Variants in TBL1X observed in about 807,000 individuals in gnomAD.
TBL1X encodes F-box-like/WD repeat-containing protein TBL1X.
A neutral mutation model predicts 50.7 loss-of-function variants in TBL1X; 10 were observed. The observed-to-expected ratio is 0.20, with a 90% CI of 0.12 to 0.33. TBL1X has a LOEUF of 0.33. TBL1X is among the 10% of genes least tolerant of loss of function. The pLI, the probability that TBL1X is intolerant of heterozygous loss-of-function variation, is 1.00. For synonymous variants in TBL1X, 190 were observed against 214.7 expected (o/e 0.88, Z 1.01); for missense variants, 340 against 504.4 (o/e 0.67, Z 3.12).
At chrX:9,519,590 A>G (rs937190952) in intron 2 of TBL1X, among the ~76,000 whole-genome samples, 3 of 112,289 alleles carry the variant, frequency 2.7e-5, no homozygotes, top group Non-Finnish European at 5.6e-5. Context: ...TTTAGAGAGC[A>G]CTGTCATTTG....
At chrX:9,659,933 G>A (rs528831472) in intron 5 of TBL1X, among the ~76,000 whole-genome samples, 41 of 112,582 alleles carry the variant, frequency 3.6e-4, no homozygotes, top group African/African-American at 1.3e-3. Context: ...TCCATGGGCC[G>A]ACATGAATGT....
chrX:9,660,154 GCT>G (rs1048811088), intron 5 of TBL1X, among the ~76,000 whole-genome samples: 3 of 112,812 alleles, frequency 2.7e-5, no homozygotes, highest in African/African-American at 9.7e-5. Flanking sequence ...GGCCACGAAA[GCT>G]CTCTGTGCAT....
At position 9,533,777 on chromosome X, in the gene TBL1X, T is replaced by C. The variant is rs2238851; in HGVS notation, c.-131+31928T>C. Among the ~76,000 whole-genome samples the C allele has an allele frequency of 5.4e-3, 597 of 111,478 alleles. 15 individuals carry two copies. The East Asian group carries it at 0.091, about 17-fold the overall frequency. On this transcript the variant is annotated intron_variant, in intron 2 of 17. Transcript: ENST00000645353. ...GAGAAATGGAGACCAGGACACTACC[T>C]CTGCTGGGTGTGCTGCTCCGGGCTC...
At chrX:9,540,764 C>G (rs1191331251) in intron 2 of TBL1X, among the ~76,000 whole-genome samples, 8 of 112,391 alleles carry the variant, frequency 7.1e-5, no homozygotes, top group Admixed American at 4.7e-4. Context: ...TATGTATTCA[C>G]TAGTGCTTTG....
chrX:9,472,912 C>CAAAAA (rs1187116690), intron 1 of TBL1X, among the ~76,000 whole-genome samples: 1 of 92,751 alleles, frequency 1.1e-5, no homozygotes, highest in East Asian at 3.2e-4. Context: ...GACTCCGTCT[C>CAAAAA]AAAAAAAAAA....
intron 2 of TBL1X, among the ~76,000 whole-genome samples, chrX:9,580,049 C>CT (rs2082432326): frequency 8.9e-6 from 1 of 112,320 alleles, no homozygotes; most frequent in Non-Finnish European, 1.9e-5. Flanking sequence ...TGAGCCAACT[C>CT]TGAGTGGCCA....
chrX:9,633,305 C>A (rs1230958828), intron 2 of TBL1X, among the ~76,000 whole-genome samples: 1 of 111,378 alleles, frequency 9.0e-6, no homozygotes, highest in Non-Finnish European at 1.9e-5. Context: ...TCAGAGTTGC[C>A]TCTGAGGAGC....
intron 15 of TBL1X, among the ~76,000 whole-genome samples, chrX:9,710,472 T>A (rs754017979): frequency 7.2e-5 from 8 of 111,391 alleles, no homozygotes; most frequent in Non-Finnish European, 1.3e-4. Context: ...TGTGATATAG[T>A]GTGATATAGT....
rs5979131 is a variant in TBL1X at position 9,606,188 on chromosome X, G to A, written c.-130-34085G>A. 7.8e-3 allele frequency among the ~76,000 whole-genome samples: 867 copies of A among 111,623 alleles called. 9 individuals are homozygous for A. Among genetic ancestry groups the A allele is most frequent in the African/African-American group, 0.027 (825 of 30,695 alleles). ...TGTGCAACAATTCTCTTGGTCCTGT[G>A]GATCAACCTGGTGAATGTGGGACAG... On this transcript the variant is annotated intron_variant, in intron 2 of 17. Transcript: ENST00000645353.
intron 2 of TBL1X, among the ~76,000 whole-genome samples, chrX:9,551,097 TATACGTGTAC>T (rs1353006927): frequency 4.5e-5 from 5 of 111,609 alleles, no homozygotes; most frequent in African/African-American, 1.6e-4. Context: ...CGTACATATA[TATACGTGTAC>T]ATACACATGT....
At chrX:9,691,509 CAA>C (rs2083097609) in intron 7 of TBL1X, 68 bp from the exon 8 acceptor site, 7 of 1,041,487 alleles carry the variant, frequency 6.7e-6, no homozygotes, top group Non-Finnish European at 8.9e-6. Flanking sequence ...TTTCTGGAAA[CAA>C]AAGAGCCCTT....
At chrX:9,582,920 T>G (rs1365984161) in intron 2 of TBL1X, among the ~76,000 whole-genome samples, 4 of 112,713 alleles carry the variant, frequency 3.5e-5, no homozygotes, top group African/African-American at 1.3e-4. Context: ...GTCCCCTCAC[T>G]GTTTTCTCTT....
intron 2 of TBL1X, among the ~76,000 whole-genome samples, chrX:9,508,418 A>AT (rs764174139): frequency 8.9e-6 from 1 of 112,283 alleles, no homozygotes; most frequent in African/African-American, 3.2e-5. Flanking sequence ...GATGGCGATT[A>AT]TTGAAAGGTC....
intron 2 of TBL1X, among the ~76,000 whole-genome samples, chrX:9,596,990 A>G (rs5933744): frequency 0.34 from 37,412 of 110,365 alleles, 4,787 homozygotes; most frequent in East Asian, 0.67. Context: ...ATGGTTTCCT[A>G]TAATGCTAAC....
At chrX:9,485,124 C>G (rs1192749537) in intron 1 of TBL1X, among the ~76,000 whole-genome samples, 1 of 110,208 alleles carries the variant, frequency 9.1e-6, no homozygotes, top group African/African-American at 3.3e-5. Context: ...GAAAAACCAA[C>G]ACACAGAGTG....
intron 2 of TBL1X, among the ~76,000 whole-genome samples, chrX:9,512,741 C>G (rs1000242087): frequency 9.0e-6 from 1 of 111,397 alleles, no homozygotes; most frequent in Admixed American, 9.5e-5. Flanking sequence ...TCAGGTGATC[C>G]TCCCGCCTCA....
intron 5 of TBL1X, among the ~76,000 whole-genome samples, chrX:9,678,604 G>A (rs1268490698): frequency 2.7e-5 from 3 of 112,694 alleles, no homozygotes; most frequent in Non-Finnish European, 5.6e-5. Context: ...CTTGGTATTT[G>A]TTTTAGCTGA....
At chrX:9,536,825 T>C (rs1270752395) in intron 2 of TBL1X, among the ~76,000 whole-genome samples, 1 of 111,488 alleles carries the variant, frequency 9.0e-6, no homozygotes, top group Non-Finnish European at 1.9e-5. Context: ...GGAGGTCAAA[T>C]ATTGCTAATT....
At position 9,714,767 on chromosome X, in the gene TBL1X, A is replaced by G. The variant is rs184664106; in HGVS notation, c.1606-135A>G. On this transcript the variant is annotated intron_variant, in intron 16 of 17. Transcript: ENST00000645353. ...CATCTCCATGGCCCCCAGAGTCCTT[A>G]CTGAAAACCCTTAAATTTCACCATG... 2,059 of 612,345 alleles carry G rather than the reference A, an allele frequency of 3.4e-3. 3 individuals carry two copies. Among genetic ancestry groups the G allele is most frequent in the Non-Finnish European group, 4.4e-3 (1,706 of 384,381 alleles). 50.5% of individuals were successfully genotyped at this position (612,345 alleles called of 1,213,427 possible).
Sources: allele counts gnomAD v4.1 joint callset (sites outside exome capture counted in the v4.1 genomes callset), GRCh38; gene constraint gnomAD v4.1.1; transcripts MANE v1.5; gene names NCBI Gene and HGNC (gene_info 2026-07-23, HGNC 2026-07-21).